Variants in NDUFAF2 observed in about 807,000 individuals in gnomAD.
The protein encoded by NDUFAF2 is NADH:ubiquinone oxidoreductase complex assembly factor 2, also known as NADH dehydrogenase [ubiquinone] 1 alpha subcomplex assembly factor 2.
NDUFAF2 carries 13 observed loss-of-function variants against 22.8 expected under a neutral mutation model. The observed-to-expected ratio is 0.57, with a 90% CI of 0.37 to 0.91. The LOEUF (loss-of-function observed/expected upper bound fraction) is 0.91. Among genes scored for constraint, NDUFAF2 ranks in the 40% least tolerant of loss-of-function variants. The pLI is 0.01. For missense variants in NDUFAF2, 162 were observed against 195.2 expected, an observed-to-expected ratio of 0.83 and a Z score of 1.01; for synonymous variants, 53 against 64.2, an observed-to-expected ratio of 0.83 and a Z score of 0.84.
At chr5:61,131,823 A>G (rs1753115705) in intron 3 of NDUFAF2, among the ~76,000 whole-genome samples, 1 of 152,196 alleles carries the variant, frequency 6.6e-6, no homozygotes, top group South Asian at 2.1e-4. Flanking sequence ...GGGGAAGTCT[A>G]TAATGATTAG....
chr5:60,964,377 T>A (rs1361631855), intron 1 of NDUFAF2, among the ~76,000 whole-genome samples: 1 of 152,138 alleles, frequency 6.6e-6, no homozygotes, highest in Admixed American at 6.6e-5. Flanking sequence ...CTAATTAACA[T>A]ATGTATTACC....
intron 1 of NDUFAF2, among the ~76,000 whole-genome samples, chr5:60,986,381 A>G (rs1447670157): frequency 6.6e-6 from 1 of 152,236 alleles, no homozygotes; most frequent in Non-Finnish European, 1.5e-5. Context: ...TTAGTAAATA[A>G]TGAAATTAAG....
chr5:61,048,835 C>A (rs544166429), intron 1 of NDUFAF2, among the ~76,000 whole-genome samples: 9 of 152,192 alleles, frequency 5.9e-5, no homozygotes, highest in African/African-American at 2.2e-4. Flanking sequence ...TGAGACCATA[C>A]AAACATCATG....
In NDUFAF2 at chr5:61,040,300, G is replaced by A. The variant is rs546654553; in HGVS notation, c.128-32825G>A. On this transcript the variant is annotated intron_variant, in intron 1 of 3. Transcript: ENST00000296597. The stretch of plus-strand genomic sequence containing the variant: ...CACACACACACACGCGCGCGCGCGC[G>A]CGAAAGTTGAAAGCAGAGATTGGAG... Among the ~76,000 whole-genome samples, 287 of 149,156 alleles carry A rather than the reference G, an allele frequency of 1.9e-3. 2 individuals are homozygous for A. Among genetic ancestry groups the A allele is most frequent in the African/African-American group, 4.0e-3 (161 of 40,110 alleles).
chr5:61,033,973 A>G lies in NDUFAF2; in HGVS notation c.128-39152A>G, dbSNP rs1751762368. Among the ~76,000 whole-genome samples the G allele has an allele frequency of 3.9e-5, 6 of 152,284 alleles. No homozygotes were observed. In the South Asian group the frequency reaches 1.2e-3, roughly 32 times the overall value. ...CTAGACATCTGTGACTTATGGCCTA[A>G]TTCTGATCATCAAGGAGAAAATTGA... On this transcript the variant is annotated intron_variant, in intron 1 of 3. Transcript: ENST00000296597.
intron 1 of NDUFAF2, among the ~76,000 whole-genome samples, chr5:61,017,664 A>G (rs890351758): frequency 2.0e-5 from 3 of 152,206 alleles, no homozygotes; most frequent in African/African-American, 7.2e-5. Flanking sequence ...TGTGAAACAC[A>G]CAGGCAGGAG....
In NDUFAF2 at chr5:61,037,242, A is replaced by T. The variant is rs186220474; in HGVS notation, c.128-35883A>T. Among the ~76,000 whole-genome samples, 40 of 152,326 alleles carry T rather than the reference A, an allele frequency of 2.6e-4. No individual in the cohort carries two copies. The East Asian group carries it at 6.4e-3, about 24-fold the overall frequency. On this transcript the variant is annotated intron_variant, in intron 1 of 3. Transcript: ENST00000296597. ...TATCATTCAAAAAAAGAAGAGATTC[A>T]TATGCACACAAATTGTTAGGGAAGG...
In NDUFAF2 at chr5:61,031,500, G is replaced by GCTGCATAGTATTCCATGGTATA. The variant is rs71606657; in HGVS notation, c.128-41563_128-41542dup. On this transcript the variant is annotated intron_variant, in intron 1 of 3. Transcript: ENST00000296597. ...GGACATGAACTCATGCTTTTTTATG[G>GCTGCATAGTATTCCATGGTATA]CTGCATAGTATTCCATGGTATACTG... is the stretch of plus-strand genomic sequence containing the variant. 1.7e-3 allele frequency among the ~76,000 whole-genome samples: 247 copies of GCTGCATAGTATTCCATGGTATA among 148,210 alleles called. 9 individuals are homozygous for GCTGCATAGTATTCCATGGTATA. The East Asian group carries it at 0.018, about 11-fold the overall frequency.
intron 1 of NDUFAF2, among the ~76,000 whole-genome samples, chr5:61,048,883 G>A (rs1350604337): frequency 6.6e-6 from 1 of 152,232 alleles, no homozygotes; most frequent in East Asian, 1.9e-4. Flanking sequence ...TGATTGGAGA[G>A]GGGAGTGGTG....
At chr5:61,059,062 G>C (rs1431553340) in intron 1 of NDUFAF2, among the ~76,000 whole-genome samples, 1 of 151,986 alleles carries the variant, frequency 6.6e-6, no homozygotes, top group Non-Finnish European at 1.5e-5. Context: ...TTTAAAAACA[G>C]TTTTTGATGT....
At chr5:61,011,747 G>A (rs974259636) in intron 1 of NDUFAF2, among the ~76,000 whole-genome samples, 1 of 151,982 alleles carries the variant, frequency 6.6e-6, no homozygotes, top group Admixed American at 6.6e-5. Flanking sequence ...GTTATCATTG[G>A]TCTTCCCTGG....
intron 1 of NDUFAF2, among the ~76,000 whole-genome samples, chr5:60,961,167 C>T (rs1750678666): frequency 6.6e-6 from 1 of 152,144 alleles, no homozygotes; most frequent in South Asian, 2.1e-4. Flanking sequence ...GCAAAATTTA[C>T]TGTATAACTT....
At chr5:60,945,578 G>A (rs1462852776) in intron 1 of NDUFAF2, 196 bp downstream of exon 1, 1 of 836,490 alleles carries the variant, frequency 1.2e-6, no homozygotes, top group Non-Finnish European at 1.9e-6. Context: ...GGCTCTGGGC[G>A]CCTTGGCCCG....
intron 1 of NDUFAF2, among the ~76,000 whole-genome samples, chr5:60,950,928 G>A (rs1465178259): frequency 1.3e-5 from 2 of 152,088 alleles, no homozygotes; most frequent in East Asian, 1.9e-4. Context: ...TGTAGTTGCT[G>A]TCATATAGTA....
At chr5:61,015,908 C>G (rs1751500646) in intron 1 of NDUFAF2, among the ~76,000 whole-genome samples, 1 of 152,094 alleles carries the variant, frequency 6.6e-6, no homozygotes, top group African/African-American at 2.4e-5. Flanking sequence ...AGACTTATGG[C>G]TGGGTGCGGT....
intron 1 of NDUFAF2, among the ~76,000 whole-genome samples, chr5:61,001,449 G>T (rs903189914): frequency 2.0e-5 from 3 of 152,224 alleles, no homozygotes; most frequent in African/African-American, 7.2e-5. Context: ...TCACGCTTAT[G>T]TGCTGTCTGC....
At chr5:61,099,459 A>G (rs1170196014) in intron 3 of NDUFAF2, among the ~76,000 whole-genome samples, 1 of 150,760 alleles carries the variant, frequency 6.6e-6, no homozygotes, top group East Asian at 1.9e-4. Context: ...CCTTAATATT[A>G]TGTATTTAAA....
intron 3 of NDUFAF2, among the ~76,000 whole-genome samples, chr5:61,129,090 A>G (rs1449165833): frequency 1.3e-5 from 2 of 152,200 alleles, no homozygotes; most frequent in Non-Finnish European, 2.9e-5. Flanking sequence ...TCAAAACCAC[A>G]GTGAGATATT....
chr5:61,149,310 A>T (rs1741193051), intron 3 of NDUFAF2, among the ~76,000 whole-genome samples: 1 of 152,168 alleles, frequency 6.6e-6, no homozygotes, highest in African/African-American at 2.4e-5. Context: ...ACCTTGTAAT[A>T]CATAACTATC....
Sources: gnomAD v4.1 joint callset for allele counts (sites outside exome capture counted in the v4.1 genomes callset) on GRCh38, gnomAD v4.1.1 for gene constraint, MANE v1.5 for transcripts, NCBI Gene and HGNC (gene_info 2026-07-23, HGNC 2026-07-21) for gene names.